Variants in TRMT11 observed in about 807,000 individuals in gnomAD.
The protein encoded by TRMT11 is tRNA (guanine(10)-N(2))-methyltransferase TRMT11.
In TRMT11, 53 loss-of-function variants were observed where a neutral mutation model predicts 62.8. That is an observed-to-expected ratio of 0.84 (90% CI 0.68 to 1.06). The LOEUF is 1.06. Ranked by LOEUF, TRMT11 falls within the 50% of genes least tolerant of loss-of-function variation. TRMT11 has a pLI of 0.00. For missense variants in TRMT11, 556 were observed against 553.4 expected, an observed-to-expected ratio of 1.00 and a Z score of -0.05; for synonymous variants, 188 against 190.3, an observed-to-expected ratio of 0.99 and a Z score of 0.10.
At chr6:126,149,400 T>C (rs1175467732) in intron 21 of TRMT11, among the ~76,000 whole-genome samples, 1 of 152,216 alleles carries the variant, frequency 6.6e-6, no homozygotes, top group South Asian at 2.1e-4. Context: ...GGTCATCTTA[T>C]GGGGCATCCA....
chr6:126,141,574 T>C (rs1340116683), intron 21 of TRMT11, among the ~76,000 whole-genome samples: 1 of 152,140 alleles, frequency 6.6e-6, no homozygotes, highest in Non-Finnish European at 1.5e-5. Flanking sequence ...GAAGGTGATG[T>C]GAGAAGAATG....
chr6:126,059,320 G>T (rs1188106400), intron 17 of TRMT11, among the ~76,000 whole-genome samples: 1 of 152,124 alleles, frequency 6.6e-6, no homozygotes, highest in Non-Finnish European at 1.5e-5. Context: ...GACCCTGAAA[G>T]ATCCCAGAGT....
the TRMT11 span, among the ~76,000 whole-genome samples, chr6:126,257,648 C>T: frequency 6.6e-6 from 1 of 152,128 alleles, no homozygotes; most frequent in Non-Finnish European, 1.5e-5. Context: ...TGATTCGAGA[C>T]TTTTTATTAT....
At chr6:126,260,733 C>A in the TRMT11 span, among the ~76,000 whole-genome samples, 18 of 152,160 alleles carry the variant, frequency 1.2e-4, no homozygotes, top group Non-Finnish European at 2.6e-4. Flanking sequence ...TTGTTAAACT[C>A]TCTTTTACTA....
intron 21 of TRMT11, among the ~76,000 whole-genome samples, chr6:126,155,169 T>C (rs918876329): frequency 6.6e-6 from 1 of 152,190 alleles, no homozygotes; most frequent in African/African-American, 2.4e-5. Flanking sequence ...CGAGGAATCT[T>C]ACAATCATAG....
chr6:126,205,754 G>A (rs1778783046), downstream of TRMT11, among the ~76,000 whole-genome samples: 1 of 152,036 alleles, frequency 6.6e-6, no homozygotes, highest in African/African-American at 2.4e-5. Context: ...TCTGGCAAGA[G>A]GAGTTGAAGG....
intron 21 of TRMT11, among the ~76,000 whole-genome samples, chr6:126,167,088 C>T (rs367808440): frequency 2.0e-5 from 3 of 152,252 alleles, no homozygotes; most frequent in South Asian, 2.1e-4. Flanking sequence ...GACCTCTTGG[C>T]TCCCTGACTT....
intron 16 of TRMT11, among the ~76,000 whole-genome samples, chr6:126,049,064 C>T (rs143270798): frequency 1.1e-3 from 163 of 152,342 alleles, no homozygotes; most frequent in African/African-American, 3.0e-3. Context: ...TTCCATACTT[C>T]CTGCCATCCA....
downstream of TRMT11, among the ~76,000 whole-genome samples, chr6:126,203,224 A>T (rs1490676994): frequency 6.6e-6 from 1 of 152,180 alleles, no homozygotes; most frequent in Admixed American, 6.5e-5. Flanking sequence ...CAGTCTCAGT[A>T]ATTTTTGAAC....
intron 17 of TRMT11, among the ~76,000 whole-genome samples, chr6:126,074,788 C>T (rs1776965489): frequency 6.6e-6 from 1 of 151,880 alleles, no homozygotes; most frequent in Non-Finnish European, 1.5e-5. Flanking sequence ...TGGATCCTGC[C>T]TGCATCAGAC....
At chr6:126,061,785 A>G (rs1410384778) in intron 17 of TRMT11, among the ~76,000 whole-genome samples, 3 of 152,186 alleles carry the variant, frequency 2.0e-5, no homozygotes, top group Non-Finnish European at 2.9e-5. Context: ...CTAGCATGCT[A>G]GCTGAAAGGA....
chr6:126,074,342 C>T (rs1457926511), intron 17 of TRMT11, among the ~76,000 whole-genome samples: 2 of 152,126 alleles, frequency 1.3e-5, no homozygotes, highest in Admixed American at 1.3e-4. Flanking sequence ...CTGAAGCTTT[C>T]TTAAGCACAG....
intron 2 of TRMT11, among the ~76,000 whole-genome samples, chr6:125,995,338 T>G (rs1014002955): frequency 1.3e-5 from 2 of 152,190 alleles, no homozygotes; most frequent in African/African-American, 4.8e-5. Flanking sequence ...TTTTGGATTT[T>G]GCTGTGTTCT....
intron 3 of TRMT11, among the ~76,000 whole-genome samples, chr6:125,997,736 T>C (rs1045794606): frequency 6.6e-6 from 1 of 152,186 alleles, no homozygotes; most frequent in Non-Finnish European, 1.5e-5. Flanking sequence ...CTTGAACTCC[T>C]GGGCTCCAGT....
chr6:126,232,745 A>T, the TRMT11 span, among the ~76,000 whole-genome samples: 5 of 152,180 alleles, frequency 3.3e-5, no homozygotes, highest in Non-Finnish European at 7.4e-5. Flanking sequence ...GGACATTCGA[A>T]ATTATCAGAG....
chr6:126,019,722 A>G (rs893134985), intron 11 of TRMT11, among the ~76,000 whole-genome samples: 2 of 152,148 alleles, frequency 1.3e-5, no homozygotes, highest in Non-Finnish European at 2.9e-5. Flanking sequence ...TGTAGAATAT[A>G]TTCTTTCTAC....
At chr6:126,180,524 T>G (rs567566780) in intron 1 of TRMT11, among the ~76,000 whole-genome samples, 2 of 152,312 alleles carry the variant, frequency 1.3e-5, no homozygotes, top group East Asian at 3.9e-4. Flanking sequence ...AATTTAGTGT[T>G]AGAGTTATAA....
chr6:126,197,514 T>C (rs897621223), intron 1 of TRMT11, among the ~76,000 whole-genome samples: 1 of 152,202 alleles, frequency 6.6e-6, no homozygotes, highest in African/African-American at 2.4e-5. Flanking sequence ...AGCTACATAC[T>C]ATTTCACTTT....
intron 16 of TRMT11, among the ~76,000 whole-genome samples, chr6:126,051,651 G>C (rs138286177): frequency 3.5e-4 from 53 of 152,268 alleles, no homozygotes; most frequent in African/African-American, 1.2e-3. Context: ...GAAGGTGAGT[G>C]AGCAGGCAGG....
Sources: allele counts gnomAD v4.1 joint callset (sites outside exome capture counted in the v4.1 genomes callset), GRCh38; gene constraint gnomAD v4.1.1; transcripts MANE v1.5; gene names NCBI Gene and HGNC (gene_info 2026-07-23, HGNC 2026-07-21).